The following PJA2 variants were observed in gnomAD, a reference collection of about 807,000 sequenced individuals.
PJA2 encodes praja ring finger ubiquitin ligase 2, also known as E3 ubiquitin-protein ligase Praja-2.
Under a neutral mutation model 69.3 loss-of-function variants are expected in PJA2, and 25 were observed. The ratio of observed to expected loss-of-function variants is 0.36; its 90% CI spans 0.26 to 0.50. PJA2 has a LOEUF of 0.50. Among genes scored for constraint, PJA2 ranks in the 20% least tolerant of loss-of-function variants. The probability of loss-of-function intolerance (pLI) is 0.96; values close to 1 mark genes in which losing one functional copy is unlikely to be tolerated. For synonymous variants in PJA2, 308 were observed against 277.8 expected, an observed-to-expected ratio of 1.11 and a Z score of -1.08; for missense variants, 809 against 830.2, an observed-to-expected ratio of 0.97 and a Z score of 0.31.
chr5:109,342,689 C>T (rs1166540954), intron 9 of PJA2, among the ~76,000 whole-genome samples: 5 of 130,040 alleles, frequency 3.8e-5, no homozygotes, highest in Admixed American at 1.4e-4. Flanking sequence ...CCGCCCCGTC[C>T]GGGAGGGAGG....
intron 7 of PJA2, among the ~76,000 whole-genome samples, chr5:109,354,050 A>T (rs1762342907): frequency 7.4e-6 from 1 of 135,546 alleles, no homozygotes. Flanking sequence ...TATAGATTAG[A>T]TATCTATGAT....
In PJA2 at chr5:109,359,240, T is replaced by C. The variant is rs529405576; in HGVS notation, c.1653-3214A>G. Among the ~76,000 whole-genome samples the C allele has an allele frequency of 1.6e-4, 24 of 152,352 alleles. No homozygotes were observed. The South Asian group carries it at 3.7e-3, about 24-fold the overall frequency. ...GTAAGAATACAGTATATAATACATA[T>C]CACATACAAAATATGTGGCAATCAA... On this transcript the variant is annotated intron_variant, in intron 6 of 9. Coordinates refer to ENST00000361189, the MANE Select transcript of PJA2 (RefSeq NM_014819.5).
chr5:109,364,058 G>A (rs897266564), intron 5 of PJA2, among the ~76,000 whole-genome samples: 5 of 152,046 alleles, frequency 3.3e-5, no homozygotes, highest in Non-Finnish European at 7.4e-5. Flanking sequence ...CATGAGAATC[G>A]CTTGAACTCA....
chr5:109,384,003 CT>C (rs1384056880), intron 1 of PJA2, among the ~76,000 whole-genome samples: 1 of 152,170 alleles, frequency 6.6e-6, no homozygotes, highest in African/African-American at 2.4e-5. Context: ...ACCAAAATGG[CT>C]ATGTGAAATA....
intron 9 of PJA2, among the ~76,000 whole-genome samples, chr5:109,340,221 T>G (rs1474507675): frequency 6.6e-6 from 1 of 152,202 alleles, no homozygotes; most frequent in Non-Finnish European, 1.5e-5. Context: ...TGTAAAATAT[T>G]TACTGGGCAC....
chr5:109,396,541 C>A (rs1439282837), intron 1 of PJA2, among the ~76,000 whole-genome samples: 1 of 150,408 alleles, frequency 6.6e-6, no homozygotes, highest in African/African-American at 2.4e-5. Context: ...ATTCTCCTGC[C>A]TCAGCCTCCT....
chr5:109,360,518 T>C (rs1317030175), intron 6 of PJA2, among the ~76,000 whole-genome samples: 1 of 152,224 alleles, frequency 6.6e-6, no homozygotes, highest in Non-Finnish European at 1.5e-5. Context: ...CTCTTTGCCA[T>C]AGCTTTCCCC....
chr5:109,370,122 T>C (rs1444563440), intron 4 of PJA2, among the ~76,000 whole-genome samples: 1 of 152,066 alleles, frequency 6.6e-6, no homozygotes, highest in Non-Finnish European at 1.5e-5. Flanking sequence ...TCTTAGTTTT[T>C]AAAGAATTAG....
chr5:109,370,201 C>G (rs1762653802), intron 4 of PJA2, among the ~76,000 whole-genome samples: 1 of 152,124 alleles, frequency 6.6e-6, no homozygotes, highest in Non-Finnish European at 1.5e-5. Flanking sequence ...ATGCCCCCTC[C>G]AACCATATCA....
chr5:109,365,151 T>A (rs1762564984), intron 5 of PJA2, among the ~76,000 whole-genome samples: 1 of 152,198 alleles, frequency 6.6e-6, no homozygotes, highest in Non-Finnish European at 1.5e-5. Context: ...CCTAAACATG[T>A]ACAATGTGTT....
chr5:109,340,243 C>T (rs1250937620), intron 9 of PJA2, among the ~76,000 whole-genome samples: 2 of 152,190 alleles, frequency 1.3e-5, no homozygotes, highest in African/African-American at 4.8e-5. Flanking sequence ...TACTACCTGA[C>T]AGGCACTATG....
chr5:109,356,104 A>G, intron 6 of PJA2, 78 bp from the exon 7 acceptor site: 1 of 891,860 alleles, frequency 1.1e-6, no homozygotes, highest in Non-Finnish European at 1.8e-6. Flanking sequence ...TAATTATATT[A>G]GCATACTGAC....
In PJA2 at chr5:109,362,935, A is replaced by C. The variant is rs1256282541; in HGVS notation, c.1557T>G (p.Pro519=). 1 of 1,613,976 alleles carries C rather than the reference A, an allele frequency of 6.2e-7. No individual in the cohort carries two copies. The highest frequency in any genetic ancestry group is 1.1e-5 in the South Asian group (1 of 91,042). Residue 519 remains proline (P), a synonymous_variant, in exon 6 of 10, where the codon CCT becomes CCG. Transcript: ENST00000361189. ...AAGCTGGCTGTGCAAATTCATTGGC[A>C]GGTTCATTTCCCTCATCACTGCTGC... The part of the protein sequence containing the change: ...NESSSDEGNE[P]ANEFAQPAFM...
chr5:109,341,498 G>A (rs1582579483), intron 9 of PJA2, among the ~76,000 whole-genome samples: 3 of 142,718 alleles, frequency 2.1e-5, no homozygotes, highest in Admixed American at 2.0e-4. Context: ...CACCCCATCT[G>A]GGAAGTGAGG....
chr5:109,341,990 G>A (rs1166602327), intron 9 of PJA2, among the ~76,000 whole-genome samples: 25 of 135,178 alleles, frequency 1.8e-4, no homozygotes, highest in South Asian at 2.4e-4. Context: ...CGCCCCGTCC[G>A]GGAGGGAGGT....
intron 7 of PJA2, among the ~76,000 whole-genome samples, chr5:109,353,781 AGATG>A (rs1762331048): frequency 7.0e-6 from 1 of 143,488 alleles, no homozygotes; most frequent in African/African-American, 2.5e-5. Flanking sequence ...TCTATAGATT[AGATG>A]TCTATGATAT....
intron 1 of PJA2, among the ~76,000 whole-genome samples, chr5:109,393,418 T>C (rs187268988): frequency 2.0e-5 from 3 of 152,314 alleles, no homozygotes; most frequent in East Asian, 3.9e-4. Flanking sequence ...AGAAAACTTT[T>C]TGGAAGCACC....
intron 1 of PJA2, among the ~76,000 whole-genome samples, chr5:109,406,006 T>TCAAAAAA (rs1747681541): frequency 6.6e-6 from 1 of 151,438 alleles, no homozygotes; most frequent in African/African-American, 2.4e-5. Context: ...AAAGAATGTA[T>TCAAAAAA]TAAAAAATGC....
chr5:109,362,222 T>A (rs1762517196), intron 6 of PJA2, among the ~76,000 whole-genome samples: 1 of 152,232 alleles, frequency 6.6e-6, no homozygotes, highest in Non-Finnish European at 1.5e-5. Flanking sequence ...AGTGGGCTAC[T>A]ATACACTTTA....
Sources: allele counts gnomAD v4.1 joint callset (sites outside exome capture counted in the v4.1 genomes callset), GRCh38; gene constraint gnomAD v4.1.1; transcripts MANE v1.5; gene names NCBI Gene and HGNC (gene_info 2026-07-23, HGNC 2026-07-21).